The following LGALS3 variants were observed in gnomAD, a reference collection of about 807,000 sequenced individuals.
LGALS3 encodes the protein galectin 3.
A neutral mutation model predicts 20.7 loss-of-function variants in LGALS3; 18 were observed. That is an observed-to-expected ratio of 0.87 (90% CI 0.60 to 1.29). LGALS3 has a LOEUF of 1.29. Ranked by LOEUF, LGALS3 falls within the 50% of genes most tolerant of loss-of-function variation. The pLI is 0.00. For synonymous variants in LGALS3, 112 were observed against 119.6 expected, an observed-to-expected ratio of 0.94 and a Z score of 0.42; for missense variants, 315 against 314.7, an observed-to-expected ratio of 1.00 and a Z score of -0.01.
At position 55,129,253 on chromosome 14, in the gene LGALS3, C is replaced by G. The variant is rs368553467; in HGVS notation, c.-52C>G. On this transcript the variant is annotated 5_prime_UTR_variant, in exon 1 of 6. Coordinates refer to ENST00000254301, the MANE Select transcript of LGALS3 (RefSeq NM_002306.4). The surrounding 1 kb of genome is among the most constrained non-coding windows in gnomAD (Gnocchi z 5.3). ...GCTCGGAGCCACCGCCCCGCCGGCG[C>G]CCGCAGCACCTCCTCGCCAGCAGCC... 1.3e-4 allele frequency: 20 copies of G among 151,884 alleles called. No individual in the cohort carries two copies. Among genetic ancestry groups the G allele is most frequent in the Non-Finnish European group, 2.8e-4 (19 of 67,972 alleles). 9.4% of individuals were successfully genotyped at this position (151,884 alleles called of 1,614,324 possible).
chr14:55,137,749 G>T (rs1223111736), intron 2 of LGALS3: 19 of 1,338,126 alleles, frequency 1.4e-5, no homozygotes, highest in Non-Finnish European at 1.7e-5. Context: ...TGATGAAAAA[G>T]TATGTGCTAT....
Position 55,142,734 on chromosome 14 carries a change from TG to T in LGALS3, c.585del (p.Lys196AsnfsTer18). On this transcript the variant is annotated frameshift_variant, in exon 5 of 6. Coordinates refer to ENST00000254301, the MANE Select transcript of LGALS3 (RefSeq NM_002306.4). LOFTEE classifies it high-confidence loss of function. ...GACAGTCGGTTTTCCCATTTGAAAG[TG>T]GGAAACCATTCAAAGTAAGTTATTG... Reference protein sequence around the residue: ...ERQSVFPFESGKPFKIQVLVE... With the variant: ...ERQSVFPFESXKPFKIQVLVE... The T allele has an allele frequency of 6.2e-7, 1 of 1,612,716 alleles. No individual in the cohort carries two copies. The highest frequency in any genetic ancestry group is 1.7e-5 in the Admixed American group (1 of 59,992).
chr14:55,130,523 C>T (rs2140286618), intron 1 of LGALS3, among the ~76,000 whole-genome samples: 1 of 151,316 alleles, frequency 6.6e-6, no homozygotes, highest in South Asian at 2.1e-4. Context: ...GAAGAAAAAG[C>T]TTTCGTCAGC....
At chr14:55,141,482 G>A (rs1018545715) in intron 4 of LGALS3, among the ~76,000 whole-genome samples, 5 of 152,108 alleles carry the variant, frequency 3.3e-5, no homozygotes, top group Admixed American at 2.6e-4. Flanking sequence ...TGAATACCCA[G>A]TTTGGTATCC....
chr14:55,137,699 A>G, intron 2 of LGALS3: 1 of 1,371,908 alleles, frequency 7.3e-7, no homozygotes, highest in Admixed American at 3.2e-5. Flanking sequence ...AGTGCGGTAC[A>G]GTCTGGGCAT....
chr14:55,135,402 TA>T (rs943436802), intron 1 of LGALS3, among the ~76,000 whole-genome samples: 2 of 150,260 alleles, frequency 1.3e-5, no homozygotes, highest in Non-Finnish European at 3.0e-5. Context: ...TATTCCAAAA[TA>T]AAAAAAAATG....
In LGALS3 at chr14:55,142,664, T is replaced by C. The variant is rs753971298; in HGVS notation, c.512T>C (p.Ile171Thr). ...PRFNENNRRV[I>T]VCNTKLDNNW... ...TTCAATGAGAACAACAGGAGAGTCATTGTTTGCAATACAAAGCTGGATAAT... is the reference window on the plus strand; with the variant it reads ...TTCAATGAGAACAACAGGAGAGTCACTGTTTGCAATACAAAGCTGGATAAT... Residue 171 changes from isoleucine to threonine, a missense_variant, in exon 5 of 6, where the codon ATT becomes ACT. Physicochemically the swap from Ile to Thr is moderately conservative, Grantham distance 89 (BLOSUM62 -1). Transcript: ENST00000254301. The C allele has an allele frequency of 5.0e-6, 8 of 1,613,692 alleles. No homozygotes were observed. The highest frequency in any genetic ancestry group is 2.2e-5 in the East Asian group (1 of 44,868).
chr14:55,144,632 C>A (rs962928934), intron 5 of LGALS3, among the ~76,000 whole-genome samples: 2 of 152,194 alleles, frequency 1.3e-5, no homozygotes, highest in Admixed American at 6.5e-5. Context: ...GGCACTATCT[C>A]GGCTAACTTC....
chr14:55,138,228 G>A lies in LGALS3; in HGVS notation c.202G>A (p.Gly68Arg), dbSNP rs750377931. ...TCCAGGCGCCTACCCTGGAGCACCT[G>A]GAGCTTATCCCGGAGCACCTGCACC... ...APPGAYPGAP[G>R]AYPGAPAPGV... is the part of the protein sequence containing the mutation. Residue 68 changes from glycine (G) to arginine (R), a missense_variant, in exon 3 of 6, where the codon GGA becomes AGA. By Grantham distance (125) the Gly-to-Arg change is moderately radical (BLOSUM62 -2). Transcript: ENST00000254301. 8 of 1,612,774 alleles carry A rather than the reference G, an allele frequency of 5.0e-6. No individual in the cohort carries two copies. In the East Asian group the frequency reaches 1.3e-4, roughly 27 times the overall value.
intron 4 of LGALS3, among the ~76,000 whole-genome samples, chr14:55,141,775 T>C (rs1881633465): frequency 6.6e-6 from 1 of 152,248 alleles, no homozygotes; most frequent in Non-Finnish European, 1.5e-5. Context: ...TGGTTGAATG[T>C]GACTGTTACT....
chr14:55,137,646 G>A, intron 2 of LGALS3: 1 of 1,424,704 alleles, frequency 7.0e-7, no homozygotes, highest in Non-Finnish European at 9.1e-7. Context: ...GGAAGGGAGT[G>A]GACTCTGCCG....
intron 2 of LGALS3, 77 bp downstream of exon 2, chr14:55,137,468 A>G: frequency 6.2e-7 from 1 of 1,613,858 alleles, no homozygotes; most frequent in Non-Finnish European, 8.5e-7. Flanking sequence ...TTTTACCATG[A>G]CTTTCCCTTT....
At position 55,145,295 on chromosome 14, in the gene LGALS3, A is replaced by G. The variant is rs781658586; in HGVS notation, c.*24A>G. 7 of 1,610,178 alleles carry G rather than the reference A, an allele frequency of 4.3e-6. No homozygotes were observed. In the African/African-American group the frequency reaches 6.7e-5, roughly 15 times the overall value. On this transcript the variant is annotated 3_prime_UTR_variant, in exon 6 of 6. Transcript: ENST00000254301. ...AATCTGAAAGGGGCAGATTAAAAAA[A>G]AAAAAAGAATCTAAACCTTACATGT... is the stretch of plus-strand genomic sequence containing the variant.
chr14:55,137,676 C>G, intron 2 of LGALS3: 1 of 1,410,792 alleles, frequency 7.1e-7, no homozygotes, highest in South Asian at 1.6e-5. Context: ...GAGAAATCCT[C>G]TGAGTAGCGG....
intron 1 of LGALS3, among the ~76,000 whole-genome samples, chr14:55,130,562 G>T (rs1204092752): frequency 1.4e-5 from 2 of 144,898 alleles, no homozygotes; most frequent in Non-Finnish European, 3.0e-5. Flanking sequence ...TTTACCTAAG[G>T]TTTTTTTTTT....
In LGALS3 at chr14:55,142,760, G is replaced by A. The variant is rs1429773545; in HGVS notation, c.597+11G>A. 3 of 1,594,618 alleles carry A rather than the reference G, an allele frequency of 1.9e-6. No homozygotes were observed. The highest frequency in any genetic ancestry group is 4.5e-5 in the East Asian group (2 of 44,758). The stretch of plus-strand genomic sequence containing the variant: ...GGGAAACCATTCAAAGTAAGTTATT[G>A]CTACTATTATATATTGATAATGTAT... On this transcript the variant is annotated intron_variant, in intron 5 of 5. Transcript: ENST00000254301.
At chr14:55,132,946 G>T (rs565232562) in intron 1 of LGALS3, among the ~76,000 whole-genome samples, 3 of 152,294 alleles carry the variant, frequency 2.0e-5, no homozygotes, top group African/African-American at 7.2e-5. Context: ...ACACTTTATT[G>T]GTTAAAATGT....
At chr14:55,142,489 T>C (rs1881657807) in intron 4 of LGALS3, 95 bp from the exon 5 acceptor site, 1 of 1,007,036 alleles carries the variant, frequency 9.9e-7, no homozygotes, top group Non-Finnish European at 1.5e-6. Flanking sequence ...TACTGTATTA[T>C]GAAATTATTT....
rs1176137472 is a variant in LGALS3, at chr14:55,130,755, G to T, written c.-5+1455G>T. Among the ~76,000 whole-genome samples the T allele has an allele frequency of 2.7e-3, 246 of 89,940 alleles. 9 individuals are homozygous for T. The highest frequency in any genetic ancestry group is 9.6e-3 in the African/African-American group (207 of 21,550). The allele number at this position is 89,940 out of a possible 152,430, so 59.0% of individuals were successfully genotyped here. Reference sequence around the variant, plus strand: ...TGTATTTTTCGTGGTGGTGGTGGTGGGGGGGGGGGGGTCCCTCCATGTTGG... The same window carrying T: ...TGTATTTTTCGTGGTGGTGGTGGTGTGGGGGGGGGGGTCCCTCCATGTTGG... On this transcript the variant is annotated intron_variant, in intron 1 of 5. Coordinates refer to ENST00000254301, the MANE Select transcript of LGALS3 (RefSeq NM_002306.4).
Sources: gnomAD v4.1 joint callset for allele counts (sites outside exome capture counted in the v4.1 genomes callset) on GRCh38, gnomAD v4.1.1 for gene constraint, Gnocchi (gnomAD v3.1) non-coding constraint, MANE v1.5 for transcripts, NCBI Gene and HGNC (gene_info 2026-07-23, HGNC 2026-07-21) for gene names.